Variants in DOK6 observed in about 807,000 individuals in gnomAD.
DOK6 encodes the protein downstream of tyrosine kinase 6.
A neutral mutation model predicts 44.0 loss-of-function variants in DOK6; 22 were observed. That is an observed-to-expected ratio of 0.50 (90% CI 0.36 to 0.71). The LOEUF is 0.71. DOK6 is among the 30% of genes least tolerant of loss of function. DOK6 has a pLI of 0.00. For synonymous variants in DOK6, 166 were observed against 145.5 expected (o/e 1.14, Z -1.01); for missense variants, 340 against 416.4 (o/e 0.82, Z 1.60).
chr18:69,794,190 T>C (rs1980678692), intron 7 of DOK6, among the ~76,000 whole-genome samples: 1 of 152,102 alleles, frequency 6.6e-6, no homozygotes, highest in Admixed American at 6.6e-5. Flanking sequence ...TGGGGCCCCA[T>C]TTTCACGTCT....
Position 69,546,542 on chromosome 18 carries a change from A to G in DOK6, c.67-17945A>G, listed in dbSNP as rs1437320228. ...TCTTACAGTTTGTGGGGTACTACCT[A>G]TAAAATAAATATATTTAGATTTGTA... On this transcript the variant is annotated intron_variant, in intron 1 of 7. Transcript: ENST00000382713. Among the ~76,000 whole-genome samples, 10 of 151,556 alleles carry G rather than the reference A, an allele frequency of 6.6e-5. No individual in the cohort carries two copies. The East Asian group carries it at 1.7e-3, about 26-fold the overall frequency.
intron 6 of DOK6, among the ~76,000 whole-genome samples, chr18:69,753,974 ATATT>A (rs2144751149): frequency 6.6e-6 from 1 of 152,236 alleles, no homozygotes; most frequent in Non-Finnish European, 1.5e-5. Context: ...TTTTATATAA[ATATT>A]TATTTGCAAT....
At chr18:69,520,457 T>C (rs1330925385) in intron 1 of DOK6, among the ~76,000 whole-genome samples, 1 of 151,848 alleles carries the variant, frequency 6.6e-6, no homozygotes, top group African/African-American at 2.4e-5. Context: ...TTTTAGATGT[T>C]TTCTGCTGCT....
intron 7 of DOK6, among the ~76,000 whole-genome samples, chr18:69,770,820 C>A (rs1012393940): frequency 9.9e-5 from 15 of 151,972 alleles, no homozygotes; most frequent in African/African-American, 3.4e-4. Flanking sequence ...TTTCCTGTTG[C>A]AAACCCCTTC....
intron 1 of DOK6, among the ~76,000 whole-genome samples, chr18:69,509,622 A>T (rs566089999): frequency 1.7e-4 from 21 of 125,214 alleles, no homozygotes; most frequent in Middle Eastern, 4.4e-3. Flanking sequence ...TGGGCAACAG[A>T]GCTAGGCTCT....
chr18:69,592,773 T>C (rs1983650997), intron 2 of DOK6, among the ~76,000 whole-genome samples: 1 of 152,156 alleles, frequency 6.6e-6, no homozygotes, highest in African/African-American at 2.4e-5. Flanking sequence ...AATTTAAAAG[T>C]ACATATTATT....
chr18:69,666,092 G>A (rs193096042), intron 3 of DOK6, among the ~76,000 whole-genome samples: 101 of 152,204 alleles, frequency 6.6e-4, no homozygotes, highest in African/African-American at 2.3e-3. Context: ...TTTCAACCTC[G>A]AAAAGCTCCA....
intron 3 of DOK6, among the ~76,000 whole-genome samples, chr18:69,665,498 G>A (rs970588627): frequency 1.3e-5 from 2 of 152,138 alleles, no homozygotes; most frequent in African/African-American, 4.8e-5. Flanking sequence ...CTGGGAGGGG[G>A]CCACCAGTCC....
chr18:69,719,573 A>C (rs1230345905), intron 5 of DOK6, among the ~76,000 whole-genome samples: 1 of 152,248 alleles, frequency 6.6e-6, no homozygotes, highest in Non-Finnish European at 1.5e-5. Context: ...GCATCTTAGC[A>C]GATTTCAGGC....
intron 2 of DOK6, among the ~76,000 whole-genome samples, chr18:69,566,730 T>G (rs939597686): frequency 1.3e-5 from 2 of 152,188 alleles, no homozygotes; most frequent in African/African-American, 2.4e-5. Flanking sequence ...ATATAGCAAG[T>G]ACAGATGGAG....
At chr18:69,432,659 T>C (rs1978840605) in intron 1 of DOK6, among the ~76,000 whole-genome samples, 2 of 152,200 alleles carry the variant, frequency 1.3e-5, no homozygotes, top group African/African-American at 4.8e-5. Flanking sequence ...AGTAATTATA[T>C]AATGACTACT....
chr18:69,458,543 G>T lies in DOK6; in HGVS notation c.66+57233G>T, dbSNP rs554905968. ...CATAGTACTGGAAGTCCTAGTCAGA[G>T]AAGTCAGGCAAGGGAAAGGAATAAA... On this transcript the variant is annotated intron_variant, in intron 1 of 7. Transcript: ENST00000382713. Among the ~76,000 whole-genome samples the T allele has an allele frequency of 1.7e-3, 253 of 152,282 alleles. 2 individuals carry two copies. In the South Asian group the frequency reaches 0.02, roughly 12 times the overall value.
intron 1 of DOK6, among the ~76,000 whole-genome samples, chr18:69,522,364 T>C (rs1227082673): frequency 1.3e-5 from 2 of 151,978 alleles, no homozygotes; most frequent in African/African-American, 4.8e-5. Context: ...AGACTTCAAC[T>C]AGAACCAAAT....
At chr18:69,491,005 A>T (rs1980720160) in intron 1 of DOK6, among the ~76,000 whole-genome samples, 1 of 152,262 alleles carries the variant, frequency 6.6e-6, no homozygotes. Flanking sequence ...GGAGGAGCAG[A>T]TGGAGTTAAT....
At chr18:69,423,468 TAA>T (rs774510186) in intron 1 of DOK6, among the ~76,000 whole-genome samples, 14 of 152,232 alleles carry the variant, frequency 9.2e-5, no homozygotes, top group Non-Finnish European at 1.2e-4. Flanking sequence ...CTCTACTACA[TAA>T]GTTAATCACT....
At chr18:69,560,930 AT>A (rs5825955) in intron 1 of DOK6, among the ~76,000 whole-genome samples, 12,570 of 143,756 alleles carry the variant, frequency 0.087, 583 homozygotes, top group East Asian at 0.19. Context: ...TATGCTTTCT[AT>A]TTAAAAAATT....
intron 1 of DOK6, among the ~76,000 whole-genome samples, chr18:69,536,812 G>A (rs1982134246): frequency 6.6e-6 from 1 of 151,852 alleles, no homozygotes; most frequent in Non-Finnish European, 1.5e-5. Context: ...CATTTTACAA[G>A]AGAGAATTAG....
At chr18:69,694,564 A>G (rs1986350709) in intron 4 of DOK6, among the ~76,000 whole-genome samples, 1 of 151,610 alleles carries the variant, frequency 6.6e-6, no homozygotes, top group African/African-American at 2.4e-5. Flanking sequence ...CTAATATGGG[A>G]CTCTAAATTT....
chr18:69,564,403 A>C, intron 1 of DOK6, 84 bp from the exon 2 acceptor site: 1 of 1,182,510 alleles, frequency 8.5e-7, no homozygotes, highest in Non-Finnish European at 1.2e-6. Flanking sequence ...AAGTACACTT[A>C]AAAAATTGAT....
Sources: gnomAD v4.1 joint callset for allele counts (sites outside exome capture counted in the v4.1 genomes callset) on GRCh38, gnomAD v4.1.1 for gene constraint, MANE v1.5 for transcripts, NCBI Gene and HGNC (gene_info 2026-07-23, HGNC 2026-07-21) for gene names.